Variants in GLIPR1 observed in about 807,000 individuals in gnomAD.
GLIPR1 encodes GLI pathogenesis related 1.
GLIPR1 carries 38 observed loss-of-function variants against 30.3 expected under a neutral mutation model. That is an observed-to-expected ratio of 1.26 (90% confidence interval 0.97 to 1.65). The LOEUF (loss-of-function observed/expected upper bound fraction) is 1.65. GLIPR1 is among the 40% of genes most tolerant of loss of function. GLIPR1 has a pLI of 0.00. For synonymous variants in GLIPR1, 122 were observed against 110.6 expected (o/e 1.10, Z -0.65); for missense variants, 285 against 326.5 (o/e 0.87, Z 0.98).
At position 75,480,928 on chromosome 12, in the gene GLIPR1, C is replaced by T. The variant is rs2046266916; in HGVS notation, c.48C>T (p.Ser16=). 6.2e-7 allele frequency: 1 copy of T among 1,613,444 alleles called. No homozygotes were observed. Among genetic ancestry groups the T allele is most frequent in the African/African-American group, 1.3e-5 (1 of 74,888 alleles). ...ATIAWMVSFV[S]NYSHTANILP... ...TAGCCTGGATGGTTTCTTTTGTCTC[C>T]AATTATTCACACACAGCAAATATTT... Residue 16 remains serine, a synonymous_variant, in exon 1 of 6, where the codon TCC becomes TCT. Coordinates refer to ENST00000266659, the MANE Select transcript of GLIPR1 (RefSeq NM_006851.3).
rs200482879 is a variant in GLIPR1 at position 75,498,682 on chromosome 12, C to T, written c.620-12C>T. 69 of 1,609,238 alleles carry T rather than the reference C, an allele frequency of 4.3e-5. No homozygotes were observed. The East Asian group carries it at 8.9e-4, about 21-fold the overall frequency. On this transcript the variant is annotated splice_polypyrimidine_tract_variant and intron_variant, in intron 4 of 5. Coordinates refer to ENST00000266659, the MANE Select transcript of GLIPR1 (RefSeq NM_006851.3). ...TTTTAATTTTTTTTCTTTCTTCCCC[C>T]TAACTTTACAGTTAACCGACAGCGA...
At chr12:75,491,746 G>C (rs572740984) in intron 3 of GLIPR1, 1 of 151,752 alleles carries the variant, frequency 6.6e-6, no homozygotes, top group African/African-American at 2.4e-5. Flanking sequence ...TCCTTTTTCT[G>C]TGAATCATGT....
intron 3 of GLIPR1, chr12:75,492,058 C>T (rs2046326763): frequency 6.7e-6 from 1 of 150,062 alleles, no homozygotes; most frequent in Admixed American, 6.7e-5. Flanking sequence ...TAGACAAAGC[C>T]ATAATTCAGT....
chr12:75,481,117 T>A, intron 1 of GLIPR1, 63 bp downstream of exon 1: 1 of 1,239,130 alleles, frequency 8.1e-7, no homozygotes, highest in Non-Finnish European at 1.2e-6. Context: ...GTATTGACTT[T>A]GGTGTTAATA....
chr12:75,488,322 G>A (rs1304840434), intron 2 of GLIPR1, among the ~76,000 whole-genome samples: 1 of 152,152 alleles, frequency 6.6e-6, no homozygotes, highest in African/African-American at 2.4e-5. Flanking sequence ...CAGATCACCT[G>A]AGGTCAGTAG....
Position 75,501,676 on chromosome 12 carries a change from T to G in GLIPR1, c.*2698T>G. On this transcript the variant is annotated 3_prime_UTR_variant, in exon 6 of 6. Coordinates refer to ENST00000266659, the MANE Select transcript of GLIPR1 (RefSeq NM_006851.3). ...AGATTCAGACAAATTTATTATGGGT[T>G]TACTTTTCCTAATTAATAAAGACTT... is the stretch of plus-strand genomic sequence containing the variant. 8.1e-7 allele frequency: 1 copy of G among 1,237,928 alleles called. No homozygotes were observed. The allele number at this position is 1,237,928 out of a possible 1,614,324, so 76.7% of individuals were successfully genotyped here.
At chr12:75,495,997 G>GTTTTTTTTTTTTTT (rs370713345) in intron 4 of GLIPR1, 2 of 132,126 alleles carry the variant, frequency 1.5e-5, no homozygotes, top group Admixed American at 8.0e-5. Flanking sequence ...TTCTGTTTTC[G>GTTTTTTTTTTTTTT]TTTTTTTTTT....
chr12:75,481,049 T>C lies in GLIPR1; in HGVS notation c.169T>C (p.Tyr57His), dbSNP rs1250966009. 2.5e-6 allele frequency: 4 copies of C among 1,606,792 alleles called. No homozygotes were observed. The highest frequency in any genetic ancestry group is 2.6e-6 in the Non-Finnish European group (3 of 1,174,776). The part of the protein sequence containing the change: ...EVKPTASDML[Y>H]MTWDPALAQI... The stretch of plus-strand genomic sequence containing the variant: ...GAAACCAACAGCCAGTGATATGCTA[T>C]ACATGGTAAGGAAAATATCATTAAT... Residue 57 changes from tyrosine (Y) to histidine (H), a missense_variant, in exon 1 of 6, where the codon TAC (tyrosine) becomes CAC (histidine). Tyr to His is a moderately conservative substitution (Grantham distance 83, BLOSUM62 2). Transcript: ENST00000266659.
intron 2 of GLIPR1, among the ~76,000 whole-genome samples, chr12:75,483,095 TA>T (rs5799228): frequency 0.34 from 52,462 of 152,064 alleles, 9,456 homozygotes; most frequent in East Asian, 0.46. Flanking sequence ...TTCGTGGTGC[TA>T]CAGATGAACC....
rs180803431 is a variant in GLIPR1, at chr12:75,501,440, C to A, written c.*2462C>A. The A allele has an allele frequency of 3.4e-6, 1 of 293,260 alleles. No homozygotes were observed. Among genetic ancestry groups the A allele is most frequent in the African/African-American group, 2.2e-5 (1 of 45,806 alleles). 18.2% of individuals were successfully genotyped at this position (293,260 alleles called of 1,614,324 possible). A position where few individuals can be genotyped will look rare whatever the true frequency, so the allele number is the denominator to read the frequency against. ...TCTTCTTGCATTTCTACAGAAGATG[C>A]ACTGGCTGCCCTGGGTTTGTATCTT... On this transcript the variant is annotated 3_prime_UTR_variant, in exon 6 of 6. Coordinates refer to ENST00000266659, the MANE Select transcript of GLIPR1 (RefSeq NM_006851.3).
chr12:75,484,442 A>G (rs1443353685), intron 2 of GLIPR1: 2 of 152,262 alleles, frequency 1.3e-5, no homozygotes, highest in Non-Finnish European at 2.9e-5. Flanking sequence ...GATGTCATTT[A>G]GCTAGTAAGA....
chr12:75,484,274 G>T (rs181695198), intron 2 of GLIPR1: 9 of 152,214 alleles, frequency 5.9e-5, no homozygotes, highest in African/African-American at 2.2e-4. Context: ...GGGCTGGGAA[G>T]ATAGAGCAGC....
chr12:75,486,317 A>T (rs1050366893), intron 2 of GLIPR1, among the ~76,000 whole-genome samples: 14 of 62,966 alleles, frequency 2.2e-4, no homozygotes, highest in African/African-American at 4.7e-4. Flanking sequence ...CCTGCCTGAT[A>T]AAAAAAAAAA....
At chr12:75,494,971 GCTCA>G (rs1320409899) in intron 3 of GLIPR1, 1 of 152,148 alleles carries the variant, frequency 6.6e-6, no homozygotes, top group Non-Finnish European at 1.5e-5. Context: ...ACATGGTAGT[GCTCA>G]CTAATTAGCA....
intron 3 of GLIPR1, 193 bp downstream of exon 3, chr12:75,490,711 T>C (rs1240975531): frequency 1.2e-5 from 6 of 511,242 alleles, no homozygotes; most frequent in African/African-American, 1.9e-5. Context: ...GGTACATTTT[T>C]CTTGGAGAGA....
intron 2 of GLIPR1, chr12:75,487,604 C>A: frequency 2.9e-6 from 1 of 340,024 alleles, no homozygotes; most frequent in South Asian, 2.3e-5. Flanking sequence ...GTTGCCAAAC[C>A]AAGGAGAAGG....
intron 2 of GLIPR1, 83 bp downstream of exon 2, chr12:75,482,162 T>G: frequency 1.8e-6 from 2 of 1,093,248 alleles, no homozygotes; most frequent in Non-Finnish European, 1.4e-6. Context: ...AGAAAATGTA[T>G]AGTATGCTAG....
intron 4 of GLIPR1, chr12:75,495,962 T>C (rs930543234): frequency 3.0e-5 from 6 of 201,432 alleles, no homozygotes; most frequent in Non-Finnish European, 5.0e-5. Context: ...AAAATAAGTA[T>C]AACAGGTCAT....
rs1246044948 is a variant in GLIPR1 at position 75,503,316 on chromosome 12, C to G, written c.*4338C>G. On this transcript the variant is annotated 3_prime_UTR_variant, in exon 6 of 6. Transcript: ENST00000266659. Reference sequence around the variant, plus strand: ...AATTAATCCAAAGATAAAACTTTCTCTAACTTAATTTGGTAGCCACGTTGC... The same window carrying G: ...AATTAATCCAAAGATAAAACTTTCTGTAACTTAATTTGGTAGCCACGTTGC... 6.6e-6 allele frequency: 1 copy of G among 152,050 alleles called. No individual in the cohort carries two copies. The highest frequency in any genetic ancestry group is 6.6e-5 in the Admixed American group (1 of 15,232). 9.4% of individuals were successfully genotyped at this position (152,050 alleles called of 1,614,324 possible). A position where few individuals can be genotyped will look rare whatever the true frequency, so the allele number is the denominator to read the frequency against.
Sources: gnomAD v4.1 joint callset for allele counts (sites outside exome capture counted in the v4.1 genomes callset) on GRCh38, gnomAD v4.1.1 for gene constraint, MANE v1.5 for transcripts, NCBI Gene and HGNC (gene_info 2026-07-23, HGNC 2026-07-21) for gene names.